NOTCH3: variants seen among roughly 807,000 people sequenced by gnomAD.
NOTCH3 encodes neurogenic locus notch homolog protein 3.
Under a neutral mutation model 213.3 loss-of-function variants are expected in NOTCH3, and 86 were observed. That is an observed-to-expected ratio of 0.40 (90% CI 0.34 to 0.48). The LOEUF is 0.48. Ranked by LOEUF, NOTCH3 falls within the 20% of genes least tolerant of loss-of-function variation. NOTCH3 has a pLI of 0.57. For missense variants in NOTCH3, 2,783 were observed against 3,272.6 expected, an observed-to-expected ratio of 0.85 and a Z score of 3.65; for synonymous variants, 1,354 against 1,355.9, an observed-to-expected ratio of 1.00 and a Z score of 0.03.
chr19:15,169,279 C>T (rs953809696), intron 28 of NOTCH3, among the ~76,000 whole-genome samples: 27 of 151,964 alleles, frequency 1.8e-4, no homozygotes, highest in South Asian at 6.2e-4. Flanking sequence ...AGTGAGAAGG[C>T]GGCCATCTGC....
intron 25 of NOTCH3, among the ~76,000 whole-genome samples, chr19:15,173,104 CTTTTTT>C (rs1162467192): frequency 0.017 from 319 of 19,174 alleles, 94 homozygotes; most frequent in African/African-American, 0.024. Flanking sequence ...TCTTCTTCTT[CTTTTTT>C]TTTTTTTTTT....
chr19:15,181,515 C>T, intron 17 of NOTCH3, 61 bp downstream of exon 17: 1 of 1,419,692 alleles, frequency 7.0e-7, no homozygotes, highest in Non-Finnish European at 9.7e-7. Context: ...CCACTTCGTC[C>T]CAGGTCCCAG....
In NOTCH3 at chr19:15,187,972, C is replaced by A. The variant is rs1272082362; in HGVS notation, c.1515G>T (p.Gln505His). 8 of 1,551,036 alleles carry A rather than the reference C, an allele frequency of 5.2e-6. 1 individual carries two copies. The East Asian group carries it at 2.0e-4, about 38-fold the overall frequency. ...CPSGFSGSTC[Q>H]LDVDECASTP... ...TGCTGGCGCATTCGTCCACGTCCAG[C>A]TGACACGTGGAGCCGCTGAAGCCTG... Residue 505 changes from glutamine to histidine, a missense_variant, in exon 10 of 33, where the codon CAG becomes CAT. Around this residue, in one of 6 missense-constraint regions of NOTCH3, gnomAD observed 708 missense variants for 906.6 expected, o/e 0.78. Coordinates refer to ENST00000263388, the MANE Select transcript of NOTCH3 (RefSeq NM_000435.3).
intron 23 of NOTCH3, 83 bp downstream of exon 23, chr19:15,178,740 C>A (rs1418259342): frequency 1.0e-5 from 10 of 994,952 alleles, no homozygotes; most frequent in African/African-American, 1.6e-5. Flanking sequence ...CCTAAAGCCA[C>A]ATCCTCCTCC....
chr19:15,161,103 C>T lies in NOTCH3; in HGVS notation c.6525G>A (p.Leu2175=), dbSNP rs1345128367. The T allele has an allele frequency of 6.5e-7, 1 of 1,539,410 alleles. No individual in the cohort carries two copies. Among genetic ancestry groups the T allele is most frequent in the Non-Finnish European group, 8.7e-7 (1 of 1,148,546 alleles). ...AGGGGCCTGGAGGGGCAGGTGGGGG[C>T]AGCCGGGCCCAATCGAGGGGCACAG... ...PVAVPLDWAR[L]PPPAPPGPSF... is the part of the protein sequence containing the mutation. Residue 2175 remains leucine (L), a synonymous_variant, in exon 33 of 33, where the codon CTG becomes CTA. Coordinates refer to ENST00000263388, the MANE Select transcript of NOTCH3 (RefSeq NM_000435.3).
chr19:15,199,159 G>A (rs956819997), intron 1 of NOTCH3, among the ~76,000 whole-genome samples: 2 of 152,060 alleles, frequency 1.3e-5, no homozygotes, highest in African/African-American at 4.8e-5. Flanking sequence ...GTGCGTGCAC[G>A]GGCTTGTGTG....
chr19:15,184,933 C>A lies in NOTCH3; in HGVS notation c.2383G>T (p.Val795Phe), dbSNP rs1364144187. ...TGCCAGCCCTGGGGGCAGGAGCAGA[C>A]AGGCAGCTGGCCAGGGGCAGACTCG... ...RCESAPGQLP[V>F]CSCPQGWQGP... The change falls in exon 15 of 33, where the codon GTC becomes TTC. Residue 795 changes from valine to phenylalanine, a missense_variant. Val to Phe is a conservative substitution (Grantham distance 50). This residue lies in a region of NOTCH3 where 861 missense variants were observed against 909.1 expected (regional missense o/e 0.95). Coordinates refer to ENST00000263388, the MANE Select transcript of NOTCH3 (RefSeq NM_000435.3). The A allele has an allele frequency of 1.3e-6, 2 of 1,549,922 alleles. No homozygotes were observed. Among genetic ancestry groups the A allele is most frequent in the Non-Finnish European group, 1.7e-6 (2 of 1,146,100 alleles).
In NOTCH3 at chr19:15,179,163, G is replaced by C. The variant is rs1265439284; in HGVS notation, c.3580C>G (p.Pro1194Ala). The C allele has an allele frequency of 1.2e-6, 2 of 1,614,162 alleles. No homozygotes were observed. The highest frequency in any genetic ancestry group is 2.2e-5 in the East Asian group (1 of 44,884). ...CAGCGCAAACCAGTGTATCCTGGGG[G>C]ACAGGTGCAGCGGAAACCACCCACC... ...DLVGGFRCTC[P>A]PGYTGLRCEA... Residue 1194 changes from proline (P) to alanine (A), a missense_variant, in exon 22 of 33, where the codon CCC becomes GCC. By Grantham distance (27) the Pro-to-Ala change is conservative. Around this residue, in one of 6 missense-constraint regions of NOTCH3, gnomAD observed 861 missense variants for 909.1 expected, o/e 0.95. Transcript: ENST00000263388.
Position 15,174,359 on chromosome 19 carries a change from C to T in NOTCH3, c.4445G>A (p.Gly1482Asp), listed in dbSNP as rs2145409339. 1 of 1,546,058 alleles carries T rather than the reference C, an allele frequency of 6.5e-7. No homozygotes were observed. The highest frequency in any genetic ancestry group is 1.7e-4 in the Middle Eastern group (1 of 5,968). ...EKYCADHFADGRCDQGCNTEE... is the reference protein window; with the variant it reads ...EKYCADHFADDRCDQGCNTEE... Reference sequence around the variant, plus strand: ...CGTGTTGCAGCCCTGGTCGCAGCGGCCGTCGGCAAAGTGGTCGGCGCAGTA... The same window carrying T: ...CGTGTTGCAGCCCTGGTCGCAGCGGTCGTCGGCAAAGTGGTCGGCGCAGTA... The change falls in exon 25 of 33, where the codon GGC becomes GAC. Residue 1482 changes from glycine to aspartate, a missense_variant. Coordinates refer to ENST00000263388, the MANE Select transcript of NOTCH3 (RefSeq NM_000435.3).
At chr19:15,184,270 C>G in intron 16 of NOTCH3, 25 bp downstream of exon 16, 1 of 1,611,218 alleles carries the variant, frequency 6.2e-7, no homozygotes. Flanking sequence ...CAGAGCAGCA[C>G]CCCCAAGAGC....
At chr19:15,175,599 A>G (rs965821785) in intron 24 of NOTCH3, among the ~76,000 whole-genome samples, 8 of 143,200 alleles carry the variant, frequency 5.6e-5, no homozygotes, top group African/African-American at 1.9e-4. Context: ...ATACACACAC[A>G]CACACACACA....
rs2145441603 is a variant in NOTCH3 at position 15,192,070 on chromosome 19, G to A, written c.569C>T (p.Thr190Ile). The A allele has an allele frequency of 1.2e-6, 2 of 1,613,092 alleles. No homozygotes were observed. Among genetic ancestry groups the A allele is most frequent in the East Asian group, 2.2e-5 (1 of 44,874 alleles). The change falls in exon 4 of 33, where the codon ACA becomes ATA. Residue 190 changes from threonine to isoleucine, a missense_variant. Physicochemically the swap from Thr to Ile is moderately conservative, Grantham distance 89. Transcript: ENST00000263388. ...SFRCQCPAGY[T>I]GPLCENPAVP... ...CGCGGGGTTCTCACATAGTGGCCCTGTGTAGCCAGCTGGACACTGGCAGCG... is the reference window on the plus strand; with the variant it reads ...CGCGGGGTTCTCACATAGTGGCCCTATGTAGCCAGCTGGACACTGGCAGCG...
chr19:15,185,696 CA>C lies in NOTCH3; in HGVS notation c.1952-18del. 6.2e-7 allele frequency: 1 copy of C among 1,612,156 alleles called. No individual in the cohort carries two copies. On this transcript the variant is annotated intron_variant, in intron 12 of 32. Transcript: ENST00000263388. This position sits in a 1 kb window ranked among gnomAD's most constrained non-coding sequence, Gnocchi z 4.2. ...AAAGGGGCCCTGGGGAGTACACAAG[CA>C]ATCTCATCTCAGAACAAAGTCAGCA...
intron 23 of NOTCH3, chr19:15,178,516 C>A: frequency 2.1e-6 from 1 of 471,784 alleles, no homozygotes; most frequent in Non-Finnish European, 3.9e-6. Flanking sequence ...TCCCGAGTAG[C>A]TGGGATTACA....
rs1213776692 is a variant in NOTCH3 at position 15,165,221 on chromosome 19, A to G, written c.5815+147T>C. ...CCCTAAGGACTAGTGGTGACCCTGC[A>G]TGACCCTGCAGGCTTCATGAAGCCT... is the stretch of plus-strand genomic sequence containing the variant. On this transcript the variant is annotated intron_variant, in intron 31 of 32. Transcript: ENST00000263388. This position sits in a 1 kb window ranked among gnomAD's most constrained non-coding sequence, Gnocchi z 4.7. 3 of 845,506 alleles carry G rather than the reference A, an allele frequency of 3.5e-6. No individual in the cohort carries two copies. Among genetic ancestry groups the G allele is most frequent in the East Asian group, 5.0e-5 (2 of 39,858 alleles). 52.4% of individuals were successfully genotyped at this position (845,506 alleles called of 1,614,324 possible).
intron 24 of NOTCH3, among the ~76,000 whole-genome samples, chr19:15,176,837 C>T (rs2046794104): frequency 6.7e-6 from 1 of 149,530 alleles, no homozygotes; most frequent in African/African-American, 2.5e-5. Context: ...CTTTGGGAGG[C>T]CAAGGCGGGC....
At chr19:15,188,897 C>T in intron 8 of NOTCH3, 92 bp downstream of exon 8, 2 of 1,349,234 alleles carry the variant, frequency 1.5e-6, no homozygotes, top group East Asian at 2.5e-5. Context: ...TCCAAACCCA[C>T]TTACACCCCA....
chr19:15,200,815 G>T lies in NOTCH3; in HGVS notation c.91C>A (p.Leu31Met). Reference sequence around the variant, plus strand: ...GCAGCCCCCGGCCCCGCTAGCAGCAGCAGCAGGGGCAGCGCCCGCACGGGT... The same window carrying T: ...GCAGCCCCCGGCCCCGCTAGCAGCATCAGCAGGGGCAGCGCCCGCACGGGT... ...PPPVRALPLL[L>M]LLAGPGAAAP... Residue 31 changes from leucine to methionine, a missense_variant, in exon 1 of 33, where the codon CTG becomes ATG. Leu to Met is a conservative substitution (Grantham distance 15). This residue lies in a region of NOTCH3 where 708 missense variants were observed against 906.6 expected (regional missense o/e 0.78). Transcript: ENST00000263388. 1 of 1,242,830 alleles carries T rather than the reference G, an allele frequency of 8.0e-7. No individual in the cohort carries two copies. Among genetic ancestry groups the T allele is most frequent in the Non-Finnish European group, 1.0e-6 (1 of 984,686 alleles). 77.0% of individuals were successfully genotyped at this position (1,242,830 alleles called of 1,614,324 possible).
At chr19:15,190,768 G>T (rs2046920626) in intron 6 of NOTCH3, among the ~76,000 whole-genome samples, 2 of 152,118 alleles carry the variant, frequency 1.3e-5, no homozygotes. Flanking sequence ...TGTATTTTTG[G>T]TAGAGATAGG....
Sources: allele counts gnomAD v4.1 joint callset (sites outside exome capture counted in the v4.1 genomes callset), GRCh38; gene constraint gnomAD v4.1.1; regional missense constraint gnomAD v4.1.1; non-coding constraint Gnocchi (gnomAD v3.1); transcripts MANE v1.5; gene names NCBI Gene and HGNC (gene_info 2026-07-23, HGNC 2026-07-21).